EDIL3: variants seen among roughly 807,000 people sequenced by gnomAD.
The protein encoded by EDIL3 is EGF-like repeat and discoidin I-like domain-containing protein 3.
Under a neutral mutation model 67.4 loss-of-function variants are expected in EDIL3, and 37 were observed. The observed-to-expected ratio is 0.55, with a 90% CI of 0.42 to 0.72. EDIL3 has a LOEUF of 0.72. EDIL3 is among the 30% of genes least tolerant of loss of function. The pLI, the probability that EDIL3 is intolerant of heterozygous loss-of-function variation, is 0.00. For missense variants in EDIL3, 527 were observed against 586.3 expected (o/e 0.90, Z 1.04); for synonymous variants, 195 against 196.3 (o/e 0.99, Z 0.05).
intron 10 of EDIL3, among the ~76,000 whole-genome samples, chr5:83,945,186 C>A (rs968747370): frequency 5.3e-5 from 8 of 151,934 alleles, no homozygotes; most frequent in Non-Finnish European, 1.0e-4. Context: ...CTGTCTTGCA[C>A]AAAGGAATAA....
chr5:84,095,076 T>A (rs889469181), intron 6 of EDIL3, among the ~76,000 whole-genome samples: 9 of 152,196 alleles, frequency 5.9e-5, no homozygotes, highest in Non-Finnish European at 1.5e-5. Flanking sequence ...TCCCACATCA[T>A]CAAGCAAAAG....
chr5:84,240,557 T>G (rs1310813410), intron 2 of EDIL3, among the ~76,000 whole-genome samples: 4 of 152,108 alleles, frequency 2.6e-5, no homozygotes, highest in Admixed American at 6.6e-5. Context: ...TAGATTCTCA[T>G]AGGAGCAGGA....
chr5:84,209,810 A>G (rs1033670285), intron 3 of EDIL3, among the ~76,000 whole-genome samples: 1 of 152,152 alleles, frequency 6.6e-6, no homozygotes, highest in East Asian at 1.9e-4. Flanking sequence ...GAAATTCTGT[A>G]AAAATGTTTT....
At chr5:84,232,571 C>T (rs1744605136) in intron 2 of EDIL3, among the ~76,000 whole-genome samples, 1 of 151,290 alleles carries the variant, frequency 6.6e-6, no homozygotes, top group South Asian at 2.1e-4. Context: ...AAGCTGTGCA[C>T]CAATCTACAC....
At chr5:84,054,930 G>T (rs1746415505) in intron 9 of EDIL3, among the ~76,000 whole-genome samples, 1 of 145,858 alleles carries the variant, frequency 6.9e-6, no homozygotes, top group Non-Finnish European at 1.5e-5. Context: ...AGCTACCAAT[G>T]ACTTTCTTCA....
intron 1 of EDIL3, among the ~76,000 whole-genome samples, chr5:84,337,591 T>C (rs1561261590): frequency 6.6e-6 from 1 of 152,144 alleles, no homozygotes; most frequent in African/African-American, 2.4e-5. Flanking sequence ...CACATATACA[T>C]AGAATATGAT....
intron 4 of EDIL3, among the ~76,000 whole-genome samples, chr5:84,173,726 G>C (rs13187353): frequency 0.082 from 12,413 of 152,246 alleles, 587 homozygotes; most frequent in Non-Finnish European, 0.11. Context: ...GCCAGTAATG[G>C]AGACGGGGCC....
chr5:84,031,107 G>C (rs1054408384), intron 9 of EDIL3, among the ~76,000 whole-genome samples: 3 of 152,026 alleles, frequency 2.0e-5, no homozygotes, highest in Non-Finnish European at 4.4e-5. Flanking sequence ...AAGGACACTG[G>C]TCATATTAGA....
At chr5:84,087,776 A>C (rs1206266609) in intron 6 of EDIL3, among the ~76,000 whole-genome samples, 1 of 152,226 alleles carries the variant, frequency 6.6e-6, no homozygotes, top group Non-Finnish European at 1.5e-5. Flanking sequence ...AATATATATT[A>C]GAATGGAATC....
intron 1 of EDIL3, among the ~76,000 whole-genome samples, chr5:84,339,443 T>C (rs1275065657): frequency 1.3e-5 from 2 of 152,138 alleles, no homozygotes; most frequent in Non-Finnish European, 2.9e-5. Context: ...GTACCCATCA[T>C]CCTGTATTTT....
intron 3 of EDIL3, among the ~76,000 whole-genome samples, chr5:84,190,939 GTGA>G (rs1353124299): frequency 1.3e-5 from 2 of 152,000 alleles, no homozygotes; most frequent in Non-Finnish European, 1.5e-5. Flanking sequence ...TCATAAATGT[GTGA>G]TGATTGACTT....
chr5:83,979,074 G>A (rs1744921978), intron 9 of EDIL3, among the ~76,000 whole-genome samples: 1 of 151,912 alleles, frequency 6.6e-6, no homozygotes, highest in Non-Finnish European at 1.5e-5. Context: ...TGTTACAAAG[G>A]CAAACAAACC....
intron 4 of EDIL3, among the ~76,000 whole-genome samples, chr5:84,143,665 T>C (rs938675226): frequency 9.9e-5 from 15 of 151,994 alleles, no homozygotes; most frequent in African/African-American, 1.4e-4. Context: ...TTCCAAGGGA[T>C]ATAAAAGCCA....
intron 1 of EDIL3, among the ~76,000 whole-genome samples, chr5:84,341,265 C>T (rs1039215579): frequency 3.3e-5 from 5 of 152,002 alleles, no homozygotes; most frequent in Admixed American, 2.6e-4. Context: ...ATGCTTTCAA[C>T]GTGTTTCAGA....
intron 10 of EDIL3, among the ~76,000 whole-genome samples, chr5:83,959,374 T>G (rs1744569386): frequency 6.6e-6 from 1 of 150,856 alleles, no homozygotes; most frequent in Non-Finnish European, 1.5e-5. Context: ...TCAGATTACT[T>G]TTCTGAAGTA....
chr5:84,073,203 A>T (rs1049483493), intron 6 of EDIL3, among the ~76,000 whole-genome samples: 1 of 152,182 alleles, frequency 6.6e-6, no homozygotes, highest in East Asian at 1.9e-4. Context: ...ATCTCAAAAT[A>T]ATAAGGGCTA....
At chr5:84,075,782 G>A (rs185327574) in intron 6 of EDIL3, among the ~76,000 whole-genome samples, 587 of 151,822 alleles carry the variant, frequency 3.9e-3, no homozygotes, top group Middle Eastern at 0.01. Flanking sequence ...GCCCACAGGG[G>A]CTTATTACTA....
chr5:83,970,457 C>G (rs1744772261), intron 9 of EDIL3, among the ~76,000 whole-genome samples: 1 of 148,196 alleles, frequency 6.7e-6, no homozygotes, highest in Non-Finnish European at 1.5e-5. Context: ...TTACTATACT[C>G]AAATGTATCA....
intron 1 of EDIL3, among the ~76,000 whole-genome samples, chr5:84,289,427 C>T (rs1473292051): frequency 1.3e-5 from 2 of 152,164 alleles, no homozygotes; most frequent in Non-Finnish European, 2.9e-5. Flanking sequence ...GATTTTACCT[C>T]TGAGTTCTTA....
Sources: gnomAD v4.1 joint callset for allele counts (sites outside exome capture counted in the v4.1 genomes callset) on GRCh38, gnomAD v4.1.1 for gene constraint, MANE v1.5 for transcripts, NCBI Gene and HGNC (gene_info 2026-07-23, HGNC 2026-07-21) for gene names.